AKAP13: variants seen among roughly 807,000 people sequenced by gnomAD.
AKAP13 encodes the protein A-kinase anchor protein 13.
Under a neutral mutation model 264.5 loss-of-function variants are expected in AKAP13, and 80 were observed. That is an observed-to-expected ratio of 0.30 (90% CI 0.25 to 0.36). The LOEUF is 0.36. AKAP13 is among the 10% of genes least tolerant of loss of function. AKAP13 has a pLI of 1.00. For missense variants in AKAP13, 3,712 were observed against 3,435.2 expected, an observed-to-expected ratio of 1.08 and a Z score of -2.01; for synonymous variants, 1,380 against 1,250.2, an observed-to-expected ratio of 1.10 and a Z score of -2.19.
At chr15:85,638,054 TA>T (rs2082144173) in intron 8 of AKAP13, among the ~76,000 whole-genome samples, 1 of 115,720 alleles carries the variant, frequency 8.6e-6, no homozygotes, top group African/African-American at 4.4e-5. Flanking sequence ...AATTTTTTTG[TA>T]TTTTTTTTTT....
At chr15:85,394,135 G>GT (rs2071001132) in intron 1 of AKAP13, among the ~76,000 whole-genome samples, 1 of 152,200 alleles carries the variant, frequency 6.6e-6, no homozygotes, top group Admixed American at 6.5e-5. Flanking sequence ...TGAAAAACCA[G>GT]TTTTTTAGGT....
intron 8 of AKAP13, among the ~76,000 whole-genome samples, chr15:85,615,387 C>G (rs542010041): frequency 6.6e-6 from 1 of 152,102 alleles, no homozygotes; most frequent in African/African-American, 2.4e-5. Context: ...AACAGTAGAC[C>G]TGCTTCTCCT....
At chr15:85,720,260 CTGTGTGTG>C (rs71141479) in intron 23 of AKAP13, among the ~76,000 whole-genome samples, 44,272 of 150,624 alleles carry the variant, frequency 0.29, 7,129 homozygotes, top group Middle Eastern at 0.5. Flanking sequence ...AAAACAAACT[CTGTGTGTG>C]TGTGTGTGTG....
chr15:85,656,613 AT>A (rs995589663), intron 11 of AKAP13, among the ~76,000 whole-genome samples: 1 of 151,760 alleles, frequency 6.6e-6, no homozygotes. Flanking sequence ...CGCCTGGCTA[AT>A]TTTTTTTGTA....
At chr15:85,736,037 C>G in intron 32 of AKAP13, 53 bp from the exon 33 acceptor site, 1 of 1,375,670 alleles carries the variant, frequency 7.3e-7, no homozygotes, top group South Asian at 1.2e-5. Context: ...CACTGAATGT[C>G]ATTTTTGCAT....
intron 16 of AKAP13, among the ~76,000 whole-genome samples, chr15:85,686,302 TA>T (rs1032697229): frequency 6.6e-6 from 1 of 152,140 alleles, no homozygotes; most frequent in African/African-American, 2.4e-5. Context: ...AATATTGTCA[TA>T]AAAGGGCATT....
At chr15:85,391,508 A>G (rs1300748695) in intron 1 of AKAP13, among the ~76,000 whole-genome samples, 3 of 148,508 alleles carry the variant, frequency 2.0e-5, no homozygotes, top group Non-Finnish European at 3.0e-5. Context: ...TTTTTAAGAC[A>G]GGGTCTCACT....
chr15:85,406,411 T>C (rs2071668775), intron 1 of AKAP13, among the ~76,000 whole-genome samples: 2 of 148,232 alleles, frequency 1.3e-5, no homozygotes, highest in Non-Finnish European at 2.9e-5. Context: ...TTTTTTTGTT[T>C]TTTTTTTGGA....
chr15:85,602,084 GT>G (rs1203930215), intron 8 of AKAP13, among the ~76,000 whole-genome samples: 4 of 151,924 alleles, frequency 2.6e-5, no homozygotes, highest in African/African-American at 7.3e-5. Flanking sequence ...TACCTTAATA[GT>G]TTTCTCAAAT....
At chr15:85,385,916 C>T (rs1419956391) in intron 1 of AKAP13, among the ~76,000 whole-genome samples, 1 of 152,174 alleles carries the variant, frequency 6.6e-6, no homozygotes, top group African/African-American at 2.4e-5. Flanking sequence ...ACGTCTGCCT[C>T]CTGGGTTCAA....
intron 8 of AKAP13, among the ~76,000 whole-genome samples, chr15:85,588,237 G>T (rs911315209): frequency 6.6e-6 from 1 of 152,096 alleles, no homozygotes; most frequent in African/African-American, 2.4e-5. Flanking sequence ...TGTTGTATTG[G>T]AGTACTGTGG....
intron 2 of AKAP13, among the ~76,000 whole-genome samples, chr15:85,497,775 G>T (rs1376467479): frequency 2.6e-5 from 4 of 152,130 alleles, no homozygotes; most frequent in African/African-American, 9.7e-5. Context: ...AATTCTGTTG[G>T]TCAGCACTGA....
intron 17 of AKAP13, among the ~76,000 whole-genome samples, chr15:85,696,073 C>T (rs1484305360): frequency 6.6e-6 from 1 of 152,172 alleles, no homozygotes; most frequent in African/African-American, 2.4e-5. Flanking sequence ...CATACAAGTC[C>T]TACTGTGCCA....
At position 85,741,175 on chromosome 15, in the gene AKAP13, C is replaced by G. The variant is rs2088943437; in HGVS notation, c.7738C>G (p.Gln2580Glu). ...GGAGAAGCAGCGCAGCCTGGAGAAG[C>G]AGCGCCAGGACCTGGCCAACCTGCA... ...EQEKQRSLEK[Q>E]RQDLANLQKQ... is the part of the protein sequence containing the mutation. The change falls in exon 35 of 37, where the codon CAG becomes GAG. Residue 2580 changes from glutamine to glutamate, a missense_variant. Around this residue, in one of 3 missense-constraint regions of AKAP13, gnomAD observed 611 missense variants for 539.3 expected, o/e 1.13. Coordinates refer to ENST00000394518, the MANE Select transcript of AKAP13 (RefSeq NM_007200.5). 3 of 1,612,216 alleles carry G rather than the reference C, an allele frequency of 1.9e-6. No individual in the cohort carries two copies. Among genetic ancestry groups the G allele is most frequent in the Non-Finnish European group, 2.5e-6 (3 of 1,179,254 alleles).
chr15:85,730,646 C>G lies in AKAP13; in HGVS notation c.7221C>G (p.Phe2407Leu), dbSNP rs1383713342. The G allele has an allele frequency of 5.6e-6, 9 of 1,614,038 alleles. No homozygotes were observed. Among genetic ancestry groups the G allele is most frequent in the African/African-American group, 1.3e-5 (1 of 74,916 alleles). Residue 2407 changes from phenylalanine to leucine, a missense_variant, in exon 30 of 37, where the codon TTC (phenylalanine) becomes TTG (leucine). Physicochemically the swap from Phe to Leu is conservative, Grantham distance 22. Coordinates refer to ENST00000394518, the MANE Select transcript of AKAP13 (RefSeq NM_007200.5). ...CAACACATAGCCCTAGAGTTCTCTT[C>G]CGCTCCAACACAGAAGAGGCTCTCA... is the stretch of plus-strand genomic sequence containing the variant. ...CSPTHSPRVL[F>L]RSNTEEALKG...
intron 1 of AKAP13, among the ~76,000 whole-genome samples, chr15:85,424,695 A>G (rs1301008224): frequency 6.6e-6 from 1 of 152,240 alleles, no homozygotes; most frequent in Non-Finnish European, 1.5e-5. Flanking sequence ...TGTTTGTTGC[A>G]AGAGGCCTAG....
intron 12 of AKAP13, among the ~76,000 whole-genome samples, chr15:85,661,894 A>C (rs894006348): frequency 1.6e-4 from 18 of 113,242 alleles, no homozygotes; most frequent in South Asian, 2.9e-4. Context: ...TCCGTAATGG[A>C]AACACATGAA....
At chr15:85,536,355 A>G (rs970515174) in intron 4 of AKAP13, 1 of 152,372 alleles carries the variant, frequency 6.6e-6, no homozygotes, top group Admixed American at 6.5e-5. Flanking sequence ...GATGAAGAAC[A>G]TATCATATGT....
intron 35 of AKAP13, 117 bp from the exon 36 acceptor site, chr15:85,743,375 C>T: frequency 9.1e-7 from 1 of 1,093,200 alleles, no homozygotes; most frequent in East Asian, 2.5e-5. Flanking sequence ...GTAGAGTTCG[C>T]AGAGGTGGGT....
Sources: allele counts gnomAD v4.1 joint callset (sites outside exome capture counted in the v4.1 genomes callset), GRCh38; gene constraint gnomAD v4.1.1; regional missense constraint gnomAD v4.1.1; transcripts MANE v1.5; gene names NCBI Gene and HGNC (gene_info 2026-07-23, HGNC 2026-07-21).